CUX1: variants seen among roughly 807,000 people sequenced by gnomAD.
CUX1 encodes cut like homeobox 1.
A neutral mutation model predicts 158.8 loss-of-function variants in CUX1; 31 were observed. The ratio of observed to expected loss-of-function variants is 0.20; its 90% CI spans 0.15 to 0.26. CUX1 has a LOEUF of 0.26. Among genes scored for constraint, CUX1 ranks in the 10% least tolerant of loss-of-function variants. CUX1 has a pLI of 1.00. For missense variants in CUX1, 1,589 were observed against 2,014.6 expected (o/e 0.79, Z 4.04); for synonymous variants, 879 against 862.1 (o/e 1.02, Z -0.34).
chr7:101,854,646 C>T (rs1233565653), intron 1 of CUX1, among the ~76,000 whole-genome samples: 2 of 152,226 alleles, frequency 1.3e-5, no homozygotes, highest in African/African-American at 4.8e-5. Context: ...CCCTGTCTCC[C>T]ATTTCTGTGG....
At chr7:102,060,608 A>ACACACAC (rs1824723298) in intron 3 of CUX1, among the ~76,000 whole-genome samples, 29 of 133,294 alleles carry the variant, frequency 2.2e-4, no homozygotes, top group East Asian at 9.2e-4. Flanking sequence ...CACACAAATA[A>ACACACAC]ACACACACAC....
chr7:102,073,783 C>T (rs1241603372), intron 4 of CUX1, among the ~76,000 whole-genome samples: 2 of 152,136 alleles, frequency 1.3e-5, no homozygotes, highest in African/African-American at 4.8e-5. Context: ...TTACCATAAG[C>T]ATTTTCCTAT....
At chr7:102,197,396 G>T in intron 15 of CUX1, 91 bp downstream of exon 15, 3 of 1,407,864 alleles carry the variant, frequency 2.1e-6, no homozygotes, top group South Asian at 1.3e-5. Context: ...CTGTGTGCGT[G>T]ATGAAACATT....
intron 2 of CUX1, among the ~76,000 whole-genome samples, chr7:101,996,027 G>A (rs996728842): frequency 2.6e-5 from 4 of 151,548 alleles, no homozygotes; most frequent in Admixed American, 2.0e-4. Context: ...CAGGAGAATC[G>A]CTTGAACCCA....
chr7:101,874,132 T>G (rs1798872859), intron 1 of CUX1, among the ~76,000 whole-genome samples: 1 of 152,222 alleles, frequency 6.6e-6, no homozygotes. Flanking sequence ...AAACAAGAGA[T>G]GCTTCTCAGA....
chr7:102,046,999 C>T (rs547695366), intron 3 of CUX1, among the ~76,000 whole-genome samples: 10 of 152,280 alleles, frequency 6.6e-5, no homozygotes, highest in East Asian at 5.8e-4. Context: ...GCTCCCCTAC[C>T]TTGCTCATGA....
rs540325963 is a variant in CUX1 at position 101,992,555 on chromosome 7, G to A, written c.142-35543G>A. On this transcript the variant is annotated intron_variant, in intron 2 of 23. Coordinates refer to ENST00000292535, the MANE Select transcript of CUX1 (RefSeq NM_181552.4). ...CATGCCCAGCAAGTTGGGTGGGGGA[G>A]GGGTCAGTACATGTTTGTAAGATAA... Among the ~76,000 whole-genome samples the A allele has an allele frequency of 3.7e-4, 56 of 152,264 alleles. No homozygotes were observed. In the South Asian group the frequency reaches 3.7e-3, roughly 10 times the overall value.
chr7:102,146,013 C>T (rs1359063299), intron 8 of CUX1, among the ~76,000 whole-genome samples: 7 of 152,100 alleles, frequency 4.6e-5, no homozygotes, highest in African/African-American at 1.4e-4. Context: ...ACCCATTTTC[C>T]ACCAGCCACA....
In CUX1 at chr7:102,197,065, G is replaced by A; in HGVS notation, c.1654G>A (p.Asp552Asn). Reference protein sequence around the residue: ...AGSVSEGEEMDTAEIARQVKE... With the variant: ...AGSVSEGEEMNTAEIARQVKE... ...GAGCGTCTCCGAGGGCGAGGAGATGGACACTGCAGAAATCGCCCGGCAGGT... is the reference window on the plus strand; with the variant it reads ...GAGCGTCTCCGAGGGCGAGGAGATGAACACTGCAGAAATCGCCCGGCAGGT... The change falls in exon 15 of 24, where the codon GAC (aspartate) becomes AAC (asparagine). Residue 552 changes from aspartate to asparagine, a missense_variant. Transcript: ENST00000292535. The A allele has an allele frequency of 6.2e-7, 1 of 1,614,250 alleles. No homozygotes were observed.
intron 20 of CUX1, among the ~76,000 whole-genome samples, chr7:102,211,901 C>T (rs926007129): frequency 2.0e-5 from 3 of 151,760 alleles, no homozygotes; most frequent in African/African-American, 4.8e-5. Context: ...GGGAGCAGCA[C>T]GGGAAGTCCC....
intron 5 of CUX1, 29 bp downstream of exon 5, chr7:102,097,530 T>G (rs1829324245): frequency 1.3e-6 from 2 of 1,510,598 alleles, no homozygotes; most frequent in African/African-American, 2.1e-5. Context: ...CTTTGCTTTT[T>G]CTTTTCTTCT....
intron 7 of CUX1, 74 bp from the exon 8 acceptor site, chr7:102,115,133 A>G: frequency 7.6e-7 from 1 of 1,308,874 alleles, no homozygotes. Flanking sequence ...CCTCTTTTGA[A>G]ATGGGAATAG....
chr7:101,819,617 A>G (rs1792253686), intron 1 of CUX1, among the ~76,000 whole-genome samples: 1 of 152,146 alleles, frequency 6.6e-6, no homozygotes, highest in Non-Finnish European at 1.5e-5. Context: ...TGTCCCATCT[A>G]GTACCCTTTA....
chr7:102,031,994 C>T (rs1820841920), intron 3 of CUX1, among the ~76,000 whole-genome samples: 1 of 150,684 alleles, frequency 6.6e-6, no homozygotes, highest in Admixed American at 6.6e-5. Context: ...GGCATGATCT[C>T]GGCTCACTGC....
intron 11 of CUX1, among the ~76,000 whole-genome samples, chr7:102,187,513 C>G (rs953629371): frequency 6.6e-6 from 1 of 152,074 alleles, no homozygotes; most frequent in Non-Finnish European, 1.5e-5. Flanking sequence ...ACTCGAGTTC[C>G]AGGCTCAGGC....
At chr7:101,856,427 A>T (rs1796828678) in intron 1 of CUX1, among the ~76,000 whole-genome samples, 1 of 152,098 alleles carries the variant, frequency 6.6e-6, no homozygotes, top group Non-Finnish European at 1.5e-5. Flanking sequence ...CTTTCACTGA[A>T]GGCTCTAAAA....
chr7:102,240,856 T>C (rs781822486), intron 23 of CUX1, among the ~76,000 whole-genome samples: 11 of 152,234 alleles, frequency 7.2e-5, no homozygotes, highest in Non-Finnish European at 1.2e-4. Flanking sequence ...AGCCTTGCTC[T>C]GTCGCCCAGG....
chr7:101,946,194 C>T (rs1808346956), intron 2 of CUX1, among the ~76,000 whole-genome samples: 2 of 152,048 alleles, frequency 1.3e-5, no homozygotes, highest in Non-Finnish European at 2.9e-5. Flanking sequence ...TTTCTCTGGA[C>T]CCGGGTCAGG....
intron 2 of CUX1, among the ~76,000 whole-genome samples, chr7:102,021,603 C>CTTTT (rs1160807638): frequency 3.8e-5 from 4 of 105,844 alleles, no homozygotes; most frequent in Non-Finnish European, 7.9e-5. Flanking sequence ...CTACCAGATA[C>CTTTT]TTTTTTTTCT....
Sources: allele counts gnomAD v4.1 joint callset (sites outside exome capture counted in the v4.1 genomes callset), GRCh38; gene constraint gnomAD v4.1.1; transcripts MANE v1.5; gene names NCBI Gene and HGNC (gene_info 2026-07-23, HGNC 2026-07-21).